MID1: variants seen among roughly 807,000 people sequenced by gnomAD.
MID1 encodes the protein E3 ubiquitin-protein ligase Midline-1.
MID1 carries 7 observed loss-of-function variants against 40.4 expected under a neutral mutation model. The ratio of observed to expected loss-of-function variants is 0.17; its 90% CI spans 0.10 to 0.33. MID1 has a LOEUF of 0.33. MID1 is among the 10% of genes least tolerant of loss of function. The pLI is 1.00. For synonymous variants in MID1, 229 were observed against 221.2 expected, an observed-to-expected ratio of 1.04 and a Z score of -0.31; for missense variants, 367 against 558.5, an observed-to-expected ratio of 0.66 and a Z score of 3.46.
rs1380877873 is a variant in MID1 at position 10,447,964 on chromosome X, A to T, written c.*1404T>A. 1 of 112,431 alleles carries T rather than the reference A, an allele frequency of 8.9e-6. No individual in the cohort carries two copies. Among genetic ancestry groups the T allele is most frequent in the Non-Finnish European group, 1.9e-5 (1 of 53,328 alleles). The allele number at this position is 112,431 out of a possible 1,213,427, so 9.3% of individuals were successfully genotyped here. A position where few individuals can be genotyped will look rare whatever the true frequency, so the allele number is the denominator to read the frequency against. On this transcript the variant is annotated 3_prime_UTR_variant, in exon 10 of 10. Coordinates refer to ENST00000317552, the MANE Select transcript of MID1 (RefSeq NM_000381.4). Reference sequence around the variant, plus strand: ...ACCATTTATAGAGGTCATGCCCTTCATCAAACTAGAACCAATGCCAGAGTT... The same window carrying T: ...ACCATTTATAGAGGTCATGCCCTTCTTCAAACTAGAACCAATGCCAGAGTT...
intron 1 of MID1, among the ~76,000 whole-genome samples, chrX:10,653,444 A>G (rs951887124): frequency 2.7e-5 from 3 of 112,145 alleles, no homozygotes; most frequent in Non-Finnish European, 3.8e-5. Context: ...GCGGTAACCA[A>G]AGTTCTCTCC....
intron 1 of MID1, among the ~76,000 whole-genome samples, chrX:10,738,734 T>G (rs2043502965): frequency 9.0e-6 from 1 of 111,028 alleles, no homozygotes; most frequent in Non-Finnish European, 1.9e-5. Flanking sequence ...TGGGACATAC[T>G]GATACTACAG....
intron 1 of MID1, among the ~76,000 whole-genome samples, chrX:10,636,550 C>T (rs1936112406): frequency 9.2e-6 from 1 of 109,036 alleles, no homozygotes; most frequent in Non-Finnish European, 1.9e-5. Flanking sequence ...AGAGCAGCCT[C>T]TGGTGGCTGA....
chrX:10,808,495 C>T (rs1175752427), intron 1 of MID1, among the ~76,000 whole-genome samples: 1 of 110,594 alleles, frequency 9.0e-6, no homozygotes, highest in East Asian at 2.9e-4. Context: ...CTCTATGGAG[C>T]TTCTCTCTCT....
rs56941761 is a variant in MID1, at chrX:10,681,025, CAATAATAATAATAATAATAATAATAAT to C, written c.-186-60633_-186-60607del. On this transcript the variant is annotated intron_variant, in intron 1 of 10. Transcript: ENST00000380785. ...TAGGTGACAGAGCCAGACCCTGTCT[CAATAATAATAATAATAATAATAATAAT>C]AATAATAATAATAATAATAATAATG... 7.3e-5 allele frequency among the ~76,000 whole-genome samples: 6 copies of C among 82,584 alleles called. 1 individual carries two copies. Among genetic ancestry groups the C allele is most frequent in the African/African-American group, 2.8e-4 (6 of 21,744 alleles). 71.7% of individuals were successfully genotyped at this position (82,584 alleles called of 115,157 possible). A position where few individuals can be genotyped will look rare whatever the true frequency, so the allele number is the denominator to read the frequency against.
At chrX:10,748,802 A>G (rs2043579086) in intron 1 of MID1, among the ~76,000 whole-genome samples, 1 of 111,582 alleles carries the variant, frequency 9.0e-6, no homozygotes, top group Middle Eastern at 4.6e-3. Flanking sequence ...CTAGTACTTT[A>G]AACCCCATTA....
chrX:10,456,297 A>G (rs1928664923), intron 8 of MID1, among the ~76,000 whole-genome samples: 1 of 112,147 alleles, frequency 8.9e-6, no homozygotes, highest in Non-Finnish European at 1.9e-5. Flanking sequence ...ACGGACCAGC[A>G]TACTTTTTCT....
At chrX:10,614,294 C>A in intron 1 of MID1, among the ~76,000 whole-genome samples, 1 of 111,911 alleles carries the variant, frequency 8.9e-6, no homozygotes, top group Middle Eastern at 4.6e-3. Context: ...AACTGGGGGC[C>A]TGTGGCTCCC....
intron 1 of MID1, among the ~76,000 whole-genome samples, chrX:10,598,437 AC>A (rs1204312294): frequency 8.9e-6 from 1 of 111,926 alleles, no homozygotes; most frequent in Non-Finnish European, 1.9e-5. Flanking sequence ...AAGCCCTGGA[AC>A]TTGTGAATGT....
At chrX:10,808,938 A>G (rs1316939087) in intron 1 of MID1, among the ~76,000 whole-genome samples, 1 of 112,094 alleles carries the variant, frequency 8.9e-6, no homozygotes, top group African/African-American at 3.2e-5. Flanking sequence ...GGATCTAATT[A>G]AACTAAAGAG....
chrX:10,512,524 G>A (rs1932208134), intron 3 of MID1, among the ~76,000 whole-genome samples: 1 of 112,653 alleles, frequency 8.9e-6, no homozygotes, highest in Admixed American at 9.4e-5. Flanking sequence ...GTAAGAGCTG[G>A]TCATGGTCAT....
At chrX:10,759,102 C>T (rs1044629921) in intron 1 of MID1, among the ~76,000 whole-genome samples, 2 of 112,092 alleles carry the variant, frequency 1.8e-5, no homozygotes, top group Middle Eastern at 4.6e-3. Flanking sequence ...ATTGACAACA[C>T]GCATGTATGC....
At chrX:10,711,242 T>C (rs1215048831) in intron 1 of MID1, among the ~76,000 whole-genome samples, 1 of 112,203 alleles carries the variant, frequency 8.9e-6, no homozygotes, top group Admixed American at 9.5e-5. Context: ...GACAGTCAAT[T>C]AATGAAGGTT....
intron 1 of MID1, among the ~76,000 whole-genome samples, chrX:10,809,910 TATA>T (rs1365454652): frequency 1.5e-4 from 16 of 109,949 alleles, no homozygotes; most frequent in Non-Finnish European, 3.0e-4. Flanking sequence ...GAACTTAAAG[TATA>T]ATAATAAAAA....
chrX:10,511,109 G>A (rs368817617), intron 3 of MID1, among the ~76,000 whole-genome samples: 4 of 108,158 alleles, frequency 3.7e-5, no homozygotes, highest in African/African-American at 1.3e-4. Flanking sequence ...GCTGGGCATG[G>A]TGGTGGGTGC....
rs150838608 is a variant in MID1, at chrX:10,510,780, C to T, written c.756+12312G>A. Among the ~76,000 whole-genome samples the T allele has an allele frequency of 7.4e-3, 694 of 93,441 alleles. 8 individuals are homozygous for T. The highest frequency in any genetic ancestry group is 0.027 in the African/African-American group (642 of 24,025). The allele number at this position is 93,441 out of a possible 115,157, so 81.1% of individuals were successfully genotyped here. On this transcript the variant is annotated intron_variant, in intron 3 of 9. Transcript: ENST00000317552. ...CCAGGAGGCAGAGGTTGCAGTGAGC[C>T]GAGATCACGCCACCGCACTCCAGCC... is the stretch of plus-strand genomic sequence containing the variant.
At chrX:10,817,715 G>A (rs780741320) in intron 1 of MID1, among the ~76,000 whole-genome samples, 1 of 105,685 alleles carries the variant, frequency 9.5e-6, no homozygotes, top group Admixed American at 1.0e-4. Flanking sequence ...TGCCTCCTGG[G>A]TTAACGTGAT....
chrX:10,495,055 A>G (rs1331063377), intron 4 of MID1, among the ~76,000 whole-genome samples: 5 of 111,609 alleles, frequency 4.5e-5, no homozygotes, highest in African/African-American at 1.6e-4. Flanking sequence ...AACATTAGAA[A>G]AGAAGTATTA....
Position 10,559,430 on chromosome X carries a change from A to G in MID1, c.660+7458T>C, listed in dbSNP as rs1934247592. Among the ~76,000 whole-genome samples, 3 of 112,748 alleles carry G rather than the reference A, an allele frequency of 2.7e-5. No homozygotes were observed. In the South Asian group the frequency reaches 1.1e-3, roughly 41 times the overall value. On this transcript the variant is annotated intron_variant, in intron 2 of 9. Transcript: ENST00000317552. ...CATGTGTCTGAGTTATTCACATACC[A>G]CATGGTGAAACATCATATAGTCTGT... is the stretch of plus-strand genomic sequence containing the variant.
Sources: allele counts gnomAD v4.1 joint callset (sites outside exome capture counted in the v4.1 genomes callset), GRCh38; gene constraint gnomAD v4.1.1; transcripts MANE v1.5; gene names NCBI Gene and HGNC (gene_info 2026-07-23, HGNC 2026-07-21).